The following SAE1 variants were observed in gnomAD, a reference collection of about 807,000 sequenced individuals.
SAE1 encodes the protein SUMO-activating enzyme subunit 1.
SAE1 carries 11 observed loss-of-function variants against 40.6 expected under a neutral mutation model. The observed-to-expected ratio is 0.27, with a 90% CI of 0.17 to 0.45. The LOEUF (loss-of-function observed/expected upper bound fraction) is 0.45, where lower values mean the gene tolerates loss of function less well. Among genes scored for constraint, SAE1 ranks in the 20% least tolerant of loss-of-function variants. The probability of loss-of-function intolerance (pLI) is 1.00; values close to 1 mark genes in which losing one functional copy is unlikely to be tolerated. For synonymous variants in SAE1, 155 were observed against 154.3 expected, an observed-to-expected ratio of 1.00 and a Z score of -0.03; for missense variants, 373 against 427.3, an observed-to-expected ratio of 0.87 and a Z score of 1.12.
intron 5 of SAE1, among the ~76,000 whole-genome samples, chr19:47,168,931 T>C (rs2058413581): frequency 1.3e-5 from 2 of 152,166 alleles, no homozygotes. Context: ...AAGTAAAATA[T>C]ATGTCATTGC....
chr19:47,201,348 G>A (rs935949732), intron 7 of SAE1, among the ~76,000 whole-genome samples: 18 of 105,570 alleles, frequency 1.7e-4, no homozygotes, highest in Admixed American at 2.2e-4. Context: ...CACCTGGCCT[G>A]TTATCTGGTT....
At chr19:47,197,010 G>T (rs561158308) in intron 6 of SAE1, among the ~76,000 whole-genome samples, 2 of 151,918 alleles carry the variant, frequency 1.3e-5, no homozygotes, top group Non-Finnish European at 2.9e-5. Context: ...GTGAAAACCC[G>T]TCTCTACTAA....
intron 6 of SAE1, among the ~76,000 whole-genome samples, chr19:47,182,800 A>T (rs373043742): frequency 2.6e-5 from 4 of 152,294 alleles, no homozygotes; most frequent in African/African-American, 7.2e-5. Flanking sequence ...TACTGGTTAC[A>T]GGCGGGGTGT....
chr19:47,147,821 C>T (rs879881297), intron 2 of SAE1, among the ~76,000 whole-genome samples: 6 of 147,758 alleles, frequency 4.1e-5, no homozygotes, highest in Non-Finnish European at 7.5e-5. Context: ...TGCAGTGGCG[C>T]GATCTTGGCT....
At chr19:47,176,255 C>T (rs1260468671) in intron 6 of SAE1, among the ~76,000 whole-genome samples, 2 of 152,126 alleles carry the variant, frequency 1.3e-5, no homozygotes, top group Admixed American at 6.6e-5. Context: ...CATCTATGAC[C>T]AGTCTCATCT....
intron 6 of SAE1, among the ~76,000 whole-genome samples, chr19:47,187,332 G>C (rs2058550438): frequency 6.6e-6 from 1 of 152,130 alleles, no homozygotes; most frequent in Admixed American, 6.5e-5. Flanking sequence ...CTCCTATTGG[G>C]TTTCCCTGTT....
At chr19:47,148,738 C>T (rs2058269336) in intron 2 of SAE1, among the ~76,000 whole-genome samples, 1 of 151,676 alleles carries the variant, frequency 6.6e-6, no homozygotes, top group South Asian at 2.1e-4. Flanking sequence ...CCTCAGCCTC[C>T]CGAGTAGCTG....
chr19:47,174,160 A>G (rs891320400), intron 6 of SAE1, among the ~76,000 whole-genome samples: 1 of 152,036 alleles, frequency 6.6e-6, no homozygotes, highest in Non-Finnish European at 1.5e-5. Flanking sequence ...TTGCTGGATA[A>G]TATATCCTAT....
chr19:47,189,509 A>G (rs1418301236), intron 6 of SAE1, among the ~76,000 whole-genome samples: 1 of 152,088 alleles, frequency 6.6e-6, no homozygotes, highest in Non-Finnish European at 1.5e-5. Context: ...TGCAGTGAGC[A>G]AAGATCGCGC....
At chr19:47,198,038 C>A (rs2058627077) in intron 7 of SAE1, among the ~76,000 whole-genome samples, 1 of 152,166 alleles carries the variant, frequency 6.6e-6, no homozygotes, top group Non-Finnish European at 1.5e-5. Context: ...ACGTGACTAC[C>A]TTTTTGCTCT....
intron 1 of SAE1, among the ~76,000 whole-genome samples, chr19:47,136,541 A>C (rs1454674929): frequency 7.3e-6 from 1 of 136,800 alleles, no homozygotes; most frequent in Non-Finnish European, 1.5e-5. Context: ...TGTTACCCAG[A>C]CTGGAGTATG....
At chr19:47,165,344 C>T (rs1465577920) in intron 5 of SAE1, among the ~76,000 whole-genome samples, 4 of 152,166 alleles carry the variant, frequency 2.6e-5, no homozygotes, top group African/African-American at 7.2e-5. Context: ...CCCACCTTGG[C>T]CTCCCAAAGT....
At chr19:47,150,043 A>C (rs1432402133) in intron 2 of SAE1, among the ~76,000 whole-genome samples, 159 bp from the exon 3 acceptor site, 1 of 147,644 alleles carries the variant, frequency 6.8e-6, no homozygotes, top group Non-Finnish European at 1.5e-5. Context: ...ATGCCACTGC[A>C]CTCCAGCCTG....
intron 1 of SAE1, among the ~76,000 whole-genome samples, chr19:47,136,785 C>T (rs75159783): frequency 0.019 from 2,922 of 152,280 alleles, 44 homozygotes; most frequent in Middle Eastern, 0.078. Context: ...CCACAGCCCC[C>T]GGCCTTCACC....
chr19:47,202,320 G>A (rs1357484837), intron 7 of SAE1, among the ~76,000 whole-genome samples: 1 of 151,276 alleles, frequency 6.6e-6, no homozygotes, highest in Non-Finnish European at 1.5e-5. Flanking sequence ...AGACAGTCTT[G>A]CCCTGTCACC....
At chr19:47,169,753 G>A (rs977056121) in intron 5 of SAE1, 65 bp from the exon 6 acceptor site, 1 of 1,048,872 alleles carries the variant, frequency 9.5e-7, no homozygotes, top group African/African-American at 1.6e-5. Context: ...ATAGAGAAGA[G>A]CAACTGCCTT....
In SAE1 at chr19:47,200,017, G is replaced by A. The variant is rs1055561558; in HGVS notation, c.878+2640G>A. Among the ~76,000 whole-genome samples, 5 of 151,058 alleles carry A rather than the reference G, an allele frequency of 3.3e-5. No homozygotes were observed. In the Admixed American group the frequency reaches 3.3e-4, roughly 10 times the overall value. ...ATGATCTTGGCTCACTGCAAGTTCC[G>A]CCTCCCGGGTTCACGCCATTCTCCT... On this transcript the variant is annotated intron_variant, in intron 7 of 8. Transcript: ENST00000270225.
Position 47,155,364 on chromosome 19 carries a change from G to C in SAE1, c.627+151G>C, listed in dbSNP as rs2058315820. 5.7e-6 allele frequency: 3 copies of C among 530,504 alleles called. No homozygotes were observed. In the South Asian group the frequency reaches 8.9e-5, roughly 16 times the overall value. 32.9% of individuals were successfully genotyped at this position (530,504 alleles called of 1,614,324 possible). Reference sequence around the variant, plus strand: ...GGGAGGCTGCCACAGCTTAGTGTCAGCCAGCTGTTGCTGTGAGGGAATGTG... The same window carrying C: ...GGGAGGCTGCCACAGCTTAGTGTCACCCAGCTGTTGCTGTGAGGGAATGTG... On this transcript the variant is annotated intron_variant, in intron 5 of 8. Coordinates refer to ENST00000270225, the MANE Select transcript of SAE1 (RefSeq NM_005500.3).
At position 47,209,585 on chromosome 19, in the gene SAE1, G is replaced by C. The variant is rs2058703412; in HGVS notation, c.*334G>C. ...TGTCCCGGCCTCGCCAGCCCTCTGG[G>C]GCATTGTGGGAGATGCCTGCCAGGA... On this transcript the variant is annotated 3_prime_UTR_variant, in exon 9 of 9. Transcript: ENST00000270225. The C allele has an allele frequency of 2.7e-6, 1 of 365,864 alleles. No individual in the cohort carries two copies. The highest frequency in any genetic ancestry group is 4.7e-5 in the East Asian group (1 of 21,054). The allele number at this position is 365,864 out of a possible 1,614,324, so 22.7% of individuals were successfully genotyped here.
Sources: allele counts gnomAD v4.1 joint callset (sites outside exome capture counted in the v4.1 genomes callset), GRCh38; gene constraint gnomAD v4.1.1; transcripts MANE v1.5; gene names NCBI Gene and HGNC (gene_info 2026-07-23, HGNC 2026-07-21).